The following KLF11 variants were observed in gnomAD, a reference collection of about 807,000 sequenced individuals.
KLF11 encodes KLF transcription factor 11.
In KLF11, 26 loss-of-function variants were observed where a neutral mutation model predicts 29.9. The ratio of observed to expected loss-of-function variants is 0.87; its 90% CI spans 0.64 to 1.21. The LOEUF (loss-of-function observed/expected upper bound fraction) is 1.21. Ranked by LOEUF, KLF11 falls within the 50% of genes most tolerant of loss-of-function variation. The pLI, the probability that KLF11 is intolerant of heterozygous loss-of-function variation, is 0.00. For synonymous variants in KLF11, 318 were observed against 257.4 expected (o/e 1.24, Z -2.25); for missense variants, 778 against 665.7 (o/e 1.17, Z -1.86).
At position 10,043,619 on chromosome 2, in the gene KLF11, G is replaced by C. The variant is rs919195576; in HGVS notation, c.-98G>C. ...CGCGTGCCGGCCGCAGGAGCTCCGG[G>C]TTGCCGCCGCCGCCGCCGCCCGCAG... On this transcript the variant is annotated 5_prime_UTR_variant, in exon 1 of 4. Transcript: ENST00000305883. The C allele has an allele frequency of 5.7e-5, 49 of 854,004 alleles. No individual in the cohort carries two copies. Among genetic ancestry groups the C allele is most frequent in the Non-Finnish European group, 6.6e-5 (47 of 714,950 alleles). 52.9% of individuals were successfully genotyped at this position (854,004 alleles called of 1,614,324 possible). A position where few individuals can be genotyped will look rare whatever the true frequency, so the allele number is the denominator to read the frequency against.
Position 10,052,784 on chromosome 2 carries a change from A to G in KLF11, c.*277A>G. The G allele has an allele frequency of 2.2e-6, 1 of 445,726 alleles. No individual in the cohort carries two copies. The highest frequency in any genetic ancestry group is 3.9e-5 in the South Asian group (1 of 25,456). 27.6% of individuals were successfully genotyped at this position (445,726 alleles called of 1,614,324 possible). ...ATCTGAATCACCAGCATTCAAACAAATATTTCGGCAATAAAGTTTACAAAA... is the reference window on the plus strand; with the variant it reads ...ATCTGAATCACCAGCATTCAAACAAGTATTTCGGCAATAAAGTTTACAAAA... On this transcript the variant is annotated 3_prime_UTR_variant, in exon 4 of 4. Coordinates refer to ENST00000305883, the MANE Select transcript of KLF11 (RefSeq NM_003597.5).
rs1395598554 is a variant in KLF11, at chr2:10,046,523, T to G, written c.312+104T>G. On this transcript the variant is annotated intron_variant, in intron 2 of 3. Transcript: ENST00000305883. ...GAAGATTCCCTGGGATGCTGGCAAATAAGTTGCGTATCCTCTCTGTGTGGG... is the reference window on the plus strand; with the variant it reads ...GAAGATTCCCTGGGATGCTGGCAAAGAAGTTGCGTATCCTCTCTGTGTGGG... The G allele has an allele frequency of 2.4e-6, 3 of 1,250,188 alleles. No homozygotes were observed. In the African/African-American group the frequency reaches 4.4e-5, roughly 18 times the overall value. The allele number at this position is 1,250,188 out of a possible 1,614,324, so 77.4% of individuals were successfully genotyped here. A position where few individuals can be genotyped will look rare whatever the true frequency, so the allele number is the denominator to read the frequency against.
At position 10,048,398 on chromosome 2, in the gene KLF11, G is replaced by T; in HGVS notation, c.1061G>T (p.Cys354Phe). The T allele has an allele frequency of 6.2e-7, 1 of 1,613,860 alleles. No individual in the cohort carries two copies. The highest frequency in any genetic ancestry group is 8.5e-7 in the Non-Finnish European group (1 of 1,179,808). ...PQGALPPPAP[C>F]AANVMAAGNT... The stretch of plus-strand genomic sequence containing the variant: ...GGAGCCCTCCCTCCGCCTGCCCCCT[G>T]TGCAGCCAATGTCATGGCTGCCGGG... The change falls in exon 3 of 4, where the codon TGT becomes TTT. Residue 354 changes from cysteine to phenylalanine, a missense_variant. Physicochemically the swap from Cys to Phe is radical, Grantham distance 205. Transcript: ENST00000305883.
chr2:10,045,183 G>A lies in KLF11; in HGVS notation c.43-967G>A, dbSNP rs6717092. Among the ~76,000 whole-genome samples the A allele has an allele frequency of 7.2e-5, 11 of 152,030 alleles. No homozygotes were observed. The East Asian group carries it at 2.1e-3, about 30-fold the overall frequency. ...CCGGGCGCCTGTAATCCCAGCACTTGGGGAGGTCAAGGCGGGTGGATCGCC... is the reference window on the plus strand; with the variant it reads ...CCGGGCGCCTGTAATCCCAGCACTTAGGGAGGTCAAGGCGGGTGGATCGCC... On this transcript the variant is annotated intron_variant, in intron 1 of 3. Transcript: ENST00000305883.
At position 10,047,745 on chromosome 2, in the gene KLF11, G is replaced by A. The variant is rs764874724; in HGVS notation, c.408G>A (p.Thr136=). The change falls in exon 3 of 4, where the codon ACG becomes ACA. Residue 136 remains threonine (T), a synonymous_variant. Transcript: ENST00000305883. ...QVTDSKACTA[T]DVLQSSAVVA... is the part of the protein sequence containing the mutation. ...CAGATTCCAAAGCATGTACAGCCACGGATGTTCTCCAGTCCTCTGCCGTAG... is the reference window on the plus strand; with the variant it reads ...CAGATTCCAAAGCATGTACAGCCACAGATGTTCTCCAGTCCTCTGCCGTAG... 21 of 1,613,582 alleles carry A rather than the reference G, an allele frequency of 1.3e-5. No individual in the cohort carries two copies. The highest frequency in any genetic ancestry group is 2.2e-5 in the East Asian group (1 of 44,892).
intron 3 of KLF11, among the ~76,000 whole-genome samples, chr2:10,051,657 A>G (rs1260167992): frequency 6.6e-6 from 1 of 152,052 alleles, no homozygotes; most frequent in East Asian, 1.9e-4. Flanking sequence ...AGCTGGGACT[A>G]CAGGTGCCCG....
At chr2:10,044,644 C>T (rs1464307841) in intron 1 of KLF11, among the ~76,000 whole-genome samples, 2 of 120,318 alleles carry the variant, frequency 1.7e-5, no homozygotes, top group East Asian at 5.4e-4. Flanking sequence ...TTAAAGTTTC[C>T]TTTCCTTTTT....
At chr2:10,047,555 A>T in intron 2 of KLF11, 95 bp from the exon 3 acceptor site, 1 of 1,064,120 alleles carries the variant, frequency 9.4e-7, no homozygotes, top group Non-Finnish European at 1.4e-6. Flanking sequence ...CTGAGTGTCT[A>T]GATGATTCTG....
chr2:10,052,167 C>A, intron 3 of KLF11, 60 bp from the exon 4 acceptor site: 1 of 1,495,246 alleles, frequency 6.7e-7, no homozygotes, highest in Non-Finnish European at 9.3e-7. Context: ...ATGAATTAAC[C>A]CCTTGAATAA....
At chr2:10,046,843 C>T (rs187506866) in intron 2 of KLF11, among the ~76,000 whole-genome samples, 8 of 152,092 alleles carry the variant, frequency 5.3e-5, no homozygotes, top group Non-Finnish European at 8.8e-5. Flanking sequence ...CAACAGAGCG[C>T]GAGACCCCAT....
At chr2:10,044,511 C>T (rs962389412) in intron 1 of KLF11, 27 of 895,246 alleles carry the variant, frequency 3.0e-5, no homozygotes, top group African/African-American at 3.6e-5. Flanking sequence ...GCGCAGCCTG[C>T]GGGACAGAGG....
At chr2:10,049,392 T>G (rs548350771) in intron 3 of KLF11, among the ~76,000 whole-genome samples, 1 of 152,388 alleles carries the variant, frequency 6.6e-6, no homozygotes, top group African/African-American at 2.4e-5. Context: ...TCAGGTGTTC[T>G]GTGAGTTTGT....
chr2:10,045,064 T>C (rs1661147414), intron 1 of KLF11, among the ~76,000 whole-genome samples: 1 of 152,152 alleles, frequency 6.6e-6, no homozygotes, highest in Non-Finnish European at 1.5e-5. Context: ...GAGAGTCGCT[T>C]GAACCTGGGA....
In KLF11 at chr2:10,047,743, A is replaced by T. The variant is rs776515008; in HGVS notation, c.406A>T (p.Thr136Ser). 1.2e-6 allele frequency: 2 copies of T among 1,613,694 alleles called. No homozygotes were observed. The highest frequency in any genetic ancestry group is 2.2e-5 in the East Asian group (1 of 44,884). The change falls in exon 3 of 4, where the codon ACG becomes TCG. Residue 136 changes from threonine to serine, a missense_variant. Physicochemically the swap from Thr to Ser is moderately conservative, Grantham distance 58. Coordinates refer to ENST00000305883, the MANE Select transcript of KLF11 (RefSeq NM_003597.5). ...QVTDSKACTA[T>S]DVLQSSAVVA... is the part of the protein sequence containing the mutation. ...AACAGATTCCAAAGCATGTACAGCC[A>T]CGGATGTTCTCCAGTCCTCTGCCGT...
rs985053322 is a variant in KLF11 at position 10,054,464 on chromosome 2, C to T, written c.*1957C>T. The stretch of plus-strand genomic sequence containing the variant: ...AATTTACACTTCCATTTCCTGATTA[C>T]ATTTGGAAATACTTTGTGTAAACCA... On this transcript the variant is annotated 3_prime_UTR_variant, in exon 4 of 4. Coordinates refer to ENST00000305883, the MANE Select transcript of KLF11 (RefSeq NM_003597.5). 6.6e-6 allele frequency: 1 copy of T among 152,646 alleles called. No homozygotes were observed. Among genetic ancestry groups the T allele is most frequent in the East Asian group, 1.9e-4 (1 of 5,192 alleles). 9.5% of individuals were successfully genotyped at this position (152,646 alleles called of 1,614,324 possible).
chr2:10,052,912 A>G lies in KLF11; in HGVS notation c.*405A>G. The G allele has an allele frequency of 3.1e-6, 1 of 323,826 alleles. No homozygotes were observed. The highest frequency in any genetic ancestry group is 5.3e-5 in the East Asian group (1 of 19,008). The allele number at this position is 323,826 out of a possible 1,614,324, so 20.1% of individuals were successfully genotyped here. A position where few individuals can be genotyped will look rare whatever the true frequency, so the allele number is the denominator to read the frequency against. ...AAAATATTTATATTGTTGGTGCTCA[A>G]ATCACCAATTTCTAGCTAGATCATT... On this transcript the variant is annotated 3_prime_UTR_variant, in exon 4 of 4. Transcript: ENST00000305883.
rs886054729 is a variant in KLF11, at chr2:10,053,662, G to A, written c.*1155G>A. 30 of 368,590 alleles carry A rather than the reference G, an allele frequency of 8.1e-5. No individual in the cohort carries two copies. The highest frequency in any genetic ancestry group is 6.2e-4 in the African/African-American group (30 of 48,096). The allele number at this position is 368,590 out of a possible 1,614,324, so 22.8% of individuals were successfully genotyped here. On this transcript the variant is annotated 3_prime_UTR_variant, in exon 4 of 4. Transcript: ENST00000305883. Reference sequence around the variant, plus strand: ...TGCCTTTCTGTTCATTTTGTTTGAAGGAAATTGTTTTGACCAAACAGAAAA... The same window carrying A: ...TGCCTTTCTGTTCATTTTGTTTGAAAGAAATTGTTTTGACCAAACAGAAAA...
chr2:10,048,061 C>T lies in KLF11; in HGVS notation c.724C>T (p.Leu242=). The T allele has an allele frequency of 6.2e-7, 1 of 1,614,218 alleles. No individual in the cohort carries two copies. Among genetic ancestry groups the T allele is most frequent in the Non-Finnish European group, 8.5e-7 (1 of 1,180,026 alleles). Residue 242 remains leucine (L), a synonymous_variant, in exon 3 of 4, where the codon CTG becomes TTG. Coordinates refer to ENST00000305883, the MANE Select transcript of KLF11 (RefSeq NM_003597.5). ...QPCLHKSGGL[L]LTDKGQQAGW... is the part of the protein sequence containing the mutation. The stretch of plus-strand genomic sequence containing the variant: ...CTGCTTGCACAAGTCTGGTGGCCTG[C>T]TGCTCACTGACAAAGGCCAGCAGGC...
chr2:10,047,947 G>A lies in KLF11; in HGVS notation c.610G>A (p.Glu204Lys). ...CCGGCTTTCTGACAGCAGAGAAGGAGAAGAGCAGCTTCTGGGACACTTTGA... is the reference window on the plus strand; with the variant it reads ...CCGGCTTTCTGACAGCAGAGAAGGAAAAGAGCAGCTTCTGGGACACTTTGA... The part of the protein sequence containing the change: ...DCRLSDSREG[E>K]EQLLGHFETL... The change falls in exon 3 of 4, where the codon GAA (glutamate) becomes AAA (lysine). Residue 204 changes from glutamate (E) to lysine (K), a missense_variant. Physicochemically the swap from Glu to Lys is moderately conservative, Grantham distance 56. Coordinates refer to ENST00000305883, the MANE Select transcript of KLF11 (RefSeq NM_003597.5). The A allele has an allele frequency of 2.5e-6, 4 of 1,613,954 alleles. No homozygotes were observed. The highest frequency in any genetic ancestry group is 3.4e-6 in the Non-Finnish European group (4 of 1,180,032).
Sources: allele counts gnomAD v4.1 joint callset (sites outside exome capture counted in the v4.1 genomes callset), GRCh38; gene constraint gnomAD v4.1.1; transcripts MANE v1.5; gene names NCBI Gene and HGNC (gene_info 2026-07-23, HGNC 2026-07-21).